The following MSRB1 variants were observed in gnomAD, a reference collection of about 807,000 sequenced individuals.
MSRB1 encodes methionine sulfoxide reductase B1, also known as methionine-R-sulfoxide reductase B1.
Under a neutral mutation model 15.2 loss-of-function variants are expected in MSRB1, and 13 were observed. The observed-to-expected ratio is 0.86, with a 90% CI of 0.56 to 1.36. The LOEUF (loss-of-function observed/expected upper bound fraction) is 1.36, where lower values mean the gene tolerates loss of function less well. Ranked by LOEUF, MSRB1 falls within the 40% of genes most tolerant of loss-of-function variation. The pLI is 0.00. For synonymous variants in MSRB1, 68 were observed against 64.5 expected (o/e 1.05, Z -0.26); for missense variants, 174 against 155.9 (o/e 1.12, Z -0.62).
At chr16:1,942,746 C>T (rs1183713091) in intron 1 of MSRB1, among the ~76,000 whole-genome samples, 1 of 152,248 alleles carries the variant, frequency 6.6e-6, no homozygotes, top group Non-Finnish European at 1.5e-5. Context: ...AGCCCCGACC[C>T]TAACCCGAAT....
At chr16:1,942,603 T>C (rs2083084977) in intron 1 of MSRB1, among the ~76,000 whole-genome samples, 1 of 152,230 alleles carries the variant, frequency 6.6e-6, no homozygotes, top group Non-Finnish European at 1.5e-5. Flanking sequence ...GGACATTCTA[T>C]GCTTGCCAGA....
chr16:1,941,213 T>C (rs760081476), intron 2 of MSRB1, 44 bp downstream of exon 2: 34 of 1,609,018 alleles, frequency 2.1e-5, no homozygotes, highest in Non-Finnish European at 2.5e-6. Flanking sequence ...CTCTCTGCTC[T>C]CCCTGGCCGC....
intron 3 of MSRB1, among the ~76,000 whole-genome samples, chr16:1,940,061 CAGG>C (rs1452421055): frequency 6.6e-6 from 1 of 151,790 alleles, no homozygotes; most frequent in Non-Finnish European, 1.5e-5. Flanking sequence ...CACCTGAGGT[CAGG>C]AGTTTAAGAC....
At chr16:1,940,207 G>T (rs1200879790) in intron 3 of MSRB1, among the ~76,000 whole-genome samples, 1 of 151,856 alleles carries the variant, frequency 6.6e-6, no homozygotes, top group Non-Finnish European at 1.5e-5. Flanking sequence ...GGAGGCAGAG[G>T]TTGCAGTGAG....
intron 2 of MSRB1, 97 bp downstream of exon 2, chr16:1,941,160 C>T (rs748861837): frequency 1.1e-5 from 17 of 1,568,486 alleles, no homozygotes; most frequent in Non-Finnish European, 1.5e-5. Context: ...GCCTCTAAGC[C>T]CCTGGAGCTG....
At chr16:1,941,214 C>G in intron 2 of MSRB1, 43 bp downstream of exon 2, 1 of 1,609,336 alleles carries the variant, frequency 6.2e-7, no homozygotes, top group Non-Finnish European at 8.5e-7. Context: ...TCTCTGCTCT[C>G]CCTGGCCGCC....
In MSRB1 at chr16:1,939,069, G is replaced by A; in HGVS notation, c.*43C>T. ...TCCAAGGTGGAATGGCCAACGTGTGGCCTCAGTGTGGTGGCCGTCTGGGGT... is the reference window on the plus strand; with the variant it reads ...TCCAAGGTGGAATGGCCAACGTGTGACCTCAGTGTGGTGGCCGTCTGGGGT... On this transcript the variant is annotated 3_prime_UTR_variant, in exon 4 of 4. Coordinates refer to ENST00000361871, the MANE Select transcript of MSRB1 (RefSeq NM_016332.4). 6.2e-7 allele frequency: 1 copy of A among 1,611,434 alleles called. No individual in the cohort carries two copies. The highest frequency in any genetic ancestry group is 1.3e-5 in the African/African-American group (1 of 74,974).
At chr16:1,940,249 C>T (rs1450018991) in intron 3 of MSRB1, among the ~76,000 whole-genome samples, 4 of 149,908 alleles carry the variant, frequency 2.7e-5, no homozygotes, top group African/African-American at 4.9e-5. Context: ...CCAGCCTGCA[C>T]GACAGAGCAA....
chr16:1,942,971 C>T lies in MSRB1; in HGVS notation c.55+131G>A. ...CCGCAGTCCTTTTGACCCCTGTTCG[C>T]TTCTCCCCGGCAGCCACATTCGCCC... On this transcript the variant is annotated intron_variant, in intron 1 of 3. Coordinates refer to ENST00000361871, the MANE Select transcript of MSRB1 (RefSeq NM_016332.4). The T allele has an allele frequency of 2.3e-6, 3 of 1,303,896 alleles. No individual in the cohort carries two copies. In the South Asian group the frequency reaches 4.0e-5, roughly 17 times the overall value. The allele number at this position is 1,303,896 out of a possible 1,614,324, so 80.8% of individuals were successfully genotyped here. A position where few individuals can be genotyped will look rare whatever the true frequency, so the allele number is the denominator to read the frequency against.
chr16:1,940,844 C>G lies in MSRB1; in HGVS notation c.253G>C (p.Asp85His). 1 of 1,614,128 alleles carries G rather than the reference C, an allele frequency of 6.2e-7. No individual in the cohort carries two copies. Among genetic ancestry groups the G allele is most frequent in the Non-Finnish European group, 8.5e-7 (1 of 1,180,030 alleles). Residue 85 changes from aspartate to histidine, a missense_variant, in exon 3 of 4, where the codon GAC (aspartate) becomes CAC (histidine). Asp to His is a moderately conservative substitution (Grantham distance 81). Coordinates refer to ENST00000361871, the MANE Select transcript of MSRB1 (RefSeq NM_016332.4). Reference sequence around the variant, plus strand: ...CGGGACTGCCCCGGCTTGGGGCCGTCGTTCAGGAACTCGTGGCCCAACCCA... The same window carrying G: ...CGGGACTGCCCCGGCTTGGGGCCGTGGTTCAGGAACTCGTGGCCCAACCCA... Reference protein sequence around the residue: ...GNGLGHEFLNDGPKPGQSRFU... With the variant: ...GNGLGHEFLNHGPKPGQSRFU...
chr16:1,940,247 C>T (rs2083067356), intron 3 of MSRB1, among the ~76,000 whole-genome samples: 1 of 150,568 alleles, frequency 6.6e-6, no homozygotes. Flanking sequence ...CACCAGCCTG[C>T]ACGACAGAGC....
chr16:1,939,127 G>A lies in MSRB1; in HGVS notation c.336C>T (p.Ala112=), dbSNP rs1468459952. 4 of 1,609,456 alleles carry A rather than the reference G, an allele frequency of 2.5e-6. No homozygotes were observed. Among genetic ancestry groups the A allele is most frequent in the Non-Finnish European group, 3.4e-6 (4 of 1,178,668 alleles). Residue 112 remains alanine, a synonymous_variant, in exon 4 of 4, where the codon GCC becomes GCT. Coordinates refer to ENST00000361871, the MANE Select transcript of MSRB1 (RefSeq NM_016332.4). The part of the protein sequence containing the change: ...KFVPKGKETS[A]SQGH ...GGCTGCCCGCCTAGTGACCCTGGGA[G>A]GCAGAAGTTTCTTTGCCTGAAAGAG...
At position 1,938,819 on chromosome 16, in the gene MSRB1, C is replaced by T; in HGVS notation, c.*293G>A. The stretch of plus-strand genomic sequence containing the variant: ...TAACGTCATTCAGAGACCAGCTGCA[C>T]CCAGGGCTCACCTCCTGGAGGCACC... On this transcript the variant is annotated 3_prime_UTR_variant, in exon 4 of 4. Transcript: ENST00000361871. 1 of 515,062 alleles carries T rather than the reference C, an allele frequency of 1.9e-6. No individual in the cohort carries two copies. The highest frequency in any genetic ancestry group is 3.8e-5 in the East Asian group (1 of 26,162). 31.9% of individuals were successfully genotyped at this position (515,062 alleles called of 1,614,324 possible). A position where few individuals can be genotyped will look rare whatever the true frequency, so the allele number is the denominator to read the frequency against.
chr16:1,939,086 G>A lies in MSRB1; in HGVS notation c.*26C>T, dbSNP rs139752142. ...AACGTGTGGCCTCAGTGTGGTGGCC[G>A]TCTGGGGTGGGTGTGGGCTGCCCGC... On this transcript the variant is annotated 3_prime_UTR_variant, in exon 4 of 4. Transcript: ENST00000361871. 32 of 1,612,658 alleles carry A rather than the reference G, an allele frequency of 2.0e-5. No homozygotes were observed. In the Middle Eastern group the frequency reaches 8.2e-4, roughly 41 times the overall value.
intron 2 of MSRB1, 157 bp from the exon 3 acceptor site, chr16:1,941,049 A>T: frequency 6.4e-7 from 1 of 1,551,780 alleles, no homozygotes; most frequent in Non-Finnish European, 8.7e-7. Flanking sequence ...GAGCCCGTAC[A>T]GGAAACCTGT....
intron 3 of MSRB1, among the ~76,000 whole-genome samples, chr16:1,939,943 ACT>A (rs1177891444): frequency 2.1e-5 from 3 of 144,032 alleles, no homozygotes; most frequent in African/African-American, 7.8e-5. Flanking sequence ...ACAGAACAAG[ACT>A]CTGTCACCAA....
intron 3 of MSRB1, among the ~76,000 whole-genome samples, chr16:1,940,556 C>T (rs1567306344): frequency 6.6e-6 from 1 of 152,262 alleles, no homozygotes; most frequent in Non-Finnish European, 1.5e-5. Context: ...GCTGAAGCCC[C>T]TTTTTGGGAC....
chr16:1,941,114 C>CA, intron 2 of MSRB1, 143 bp downstream of exon 2: 8 of 1,551,608 alleles, frequency 5.2e-6, no homozygotes, highest in Non-Finnish European at 7.0e-6. Flanking sequence ...CCTGGGGTGG[C>CA]AGCTCCCTGG....
chr16:1,940,663 G>A (rs762220254), intron 3 of MSRB1, 115 bp downstream of exon 3: 58 of 1,287,844 alleles, frequency 4.5e-5, no homozygotes, highest in Non-Finnish European at 5.8e-5. Context: ...CCCAGGCAGC[G>A]TGACTTGGTG....
Sources: allele counts gnomAD v4.1 joint callset (sites outside exome capture counted in the v4.1 genomes callset), GRCh38; gene constraint gnomAD v4.1.1; transcripts MANE v1.5; gene names NCBI Gene and HGNC (gene_info 2026-07-23, HGNC 2026-07-21).